PATJ: variants seen among roughly 807,000 people sequenced by gnomAD.
PATJ encodes inaD-like protein.
In PATJ, 190 loss-of-function variants were observed where a neutral mutation model predicts 224.9. The observed-to-expected ratio is 0.84, with a 90% CI of 0.75 to 0.95. The LOEUF is 0.95. PATJ is among the 40% of genes least tolerant of loss of function. PATJ has a pLI of 0.00. For missense variants in PATJ, 2,121 were observed against 2,270.3 expected, an observed-to-expected ratio of 0.93 and a Z score of 1.34; for synonymous variants, 769 against 820.3, an observed-to-expected ratio of 0.94 and a Z score of 1.07.
intron 20 of PATJ, among the ~76,000 whole-genome samples, chr1:61,872,214 G>A (rs1366123065): frequency 6.6e-6 from 1 of 151,994 alleles, no homozygotes; most frequent in Non-Finnish European, 1.5e-5. Flanking sequence ...AGAAGTTCTT[G>A]CTTATTTTAT....
chr1:62,047,364 C>G (rs1186035409), intron 30 of PATJ, among the ~76,000 whole-genome samples: 1 of 152,216 alleles, frequency 6.6e-6, no homozygotes, highest in Non-Finnish European at 1.5e-5. Context: ...TCAAGCCATT[C>G]TCTTGCCTCA....
At position 62,161,015 on chromosome 1, in the gene PATJ, A is replaced by G. The variant is rs1669791613; in HGVS notation, c.5610A>G (p.Lys1870=). Residue 1870 remains lysine, a synonymous_variant, in exon 44 of 44, where the codon AAA becomes AAG. Transcript: ENST00000642238. Reference sequence around the variant, plus strand: ...ATGAGCAAGCAGTCGCCATTCTAAAACACCAGAGAGGGACTGTAACCTTAA... The same window carrying G: ...ATGAGCAAGCAGTCGCCATTCTAAAGCACCAGAGAGGGACTGTAACCTTAA... ...VTHEQAVAIL[K]HQRGTVTLTV... is the part of the protein sequence containing the mutation. The G allele has an allele frequency of 2.5e-6, 4 of 1,605,148 alleles. No individual in the cohort carries two copies. In the East Asian group the frequency reaches 8.9e-5, roughly 36 times the overall value.
intron 35 of PATJ, among the ~76,000 whole-genome samples, chr1:62,115,125 TGG>T (rs1303567825): frequency 6.6e-6 from 1 of 151,994 alleles, no homozygotes; most frequent in Non-Finnish European, 1.5e-5. Context: ...CTGACCAATA[TGG>T]TGAAACCCCA....
At chr1:62,144,757 T>C (rs1212102244) in intron 41 of PATJ, among the ~76,000 whole-genome samples, 1 of 108,852 alleles carries the variant, frequency 9.2e-6, no homozygotes, top group Non-Finnish European at 1.8e-5. Flanking sequence ...TGCTCTAGAA[T>C]GTTATTTGCA....
At chr1:61,807,247 A>T (rs1653774306) in intron 13 of PATJ, among the ~76,000 whole-genome samples, 1 of 152,208 alleles carries the variant, frequency 6.6e-6, no homozygotes, top group African/African-American at 2.4e-5. Context: ...GTACAATCAT[A>T]GTTCACTGCA....
At position 62,100,849 on chromosome 1, in the gene PATJ, A is replaced by G. The variant is rs181410110; in HGVS notation, c.4378-7588A>G. On this transcript the variant is annotated intron_variant, in intron 33 of 43. Coordinates refer to ENST00000642238, the MANE Select transcript of PATJ (RefSeq NM_001350145.3). The stretch of plus-strand genomic sequence containing the variant: ...ATAGAGCCCTGAACAGACATTCATG[A>G]TGCTGTGATAAGTTCAGTGGTACTA... Among the ~76,000 whole-genome samples, 426 of 152,324 alleles carry G rather than the reference A, an allele frequency of 2.8e-3. 2 individuals are homozygous for G. The highest frequency in any genetic ancestry group is 9.8e-3 in the African/African-American group (406 of 41,570).
intron 27 of PATJ, among the ~76,000 whole-genome samples, chr1:61,965,577 G>C (rs147576601): frequency 6.6e-6 from 1 of 152,144 alleles, no homozygotes; most frequent in Non-Finnish European, 1.5e-5. Context: ...TTGATCCCAC[G>C]AGGGGAAGTG....
At chr1:61,903,775 CTTT>C (rs11331898) in intron 24 of PATJ, among the ~76,000 whole-genome samples, 11 of 131,582 alleles carry the variant, frequency 8.4e-5, no homozygotes, top group Admixed American at 1.5e-4. Flanking sequence ...TGGTACTTTG[CTTT>C]TTTTTTTTTT....
intron 20 of PATJ, among the ~76,000 whole-genome samples, chr1:61,869,019 A>C (rs984728344): frequency 6.6e-6 from 1 of 152,202 alleles, no homozygotes; most frequent in African/African-American, 2.4e-5. Flanking sequence ...GGGAGGGCAG[A>C]AAAAGCTTCT....
chr1:61,743,053 G>A (rs1467632509), intron 1 of PATJ, among the ~76,000 whole-genome samples: 1 of 152,130 alleles, frequency 6.6e-6, no homozygotes, highest in Non-Finnish European at 1.5e-5. Context: ...AGGAGGGAAC[G>A]GGGTGAGGGG....
At chr1:61,962,346 G>T (rs1423751334) in intron 27 of PATJ, among the ~76,000 whole-genome samples, 2 of 152,198 alleles carry the variant, frequency 1.3e-5, no homozygotes, top group African/African-American at 4.8e-5. Context: ...TAGGCAGAAG[G>T]CATGTAATTT....
chr1:62,021,460 TATA>T (rs994179436), intron 29 of PATJ, among the ~76,000 whole-genome samples: 1 of 152,214 alleles, frequency 6.6e-6, no homozygotes, highest in Non-Finnish European at 1.5e-5. Context: ...GTGTGTGGCA[TATA>T]ATGAGTGTTC....
At position 61,860,833 on chromosome 1, in the gene PATJ, TAAAA is replaced by T. The variant is rs760245834; in HGVS notation, c.2323-705_2323-702del. On this transcript the variant is annotated intron_variant, in intron 18 of 43. Transcript: ENST00000642238. ...CACAGCGAGACTCTCTGTCTCAATT[TAAAA>T]AAAAAAAAAAAAGATGAGGATTGCA... 1.4e-4 allele frequency among the ~76,000 whole-genome samples: 19 copies of T among 133,528 alleles called. No homozygotes were observed. The South Asian group carries it at 1.9e-3, about 14-fold the overall frequency. The allele number at this position is 133,528 out of a possible 152,430, so 87.6% of individuals were successfully genotyped here.
chr1:61,972,845 A>G (rs543701660), intron 27 of PATJ, among the ~76,000 whole-genome samples: 5 of 148,582 alleles, frequency 3.4e-5, no homozygotes, highest in Non-Finnish European at 6.0e-5. Context: ...AATTTGCAAA[A>G]TAGATCTTTT....
intron 17 of PATJ, among the ~76,000 whole-genome samples, chr1:61,852,119 T>TAAAAA (rs3030913): frequency 5.5e-5 from 6 of 108,922 alleles, no homozygotes; most frequent in South Asian, 3.2e-4. Flanking sequence ...GATTCTGTCT[T>TAAAAA]AAAAAAAAAA....
At chr1:61,854,294 T>G (rs943685712) in intron 17 of PATJ, among the ~76,000 whole-genome samples, 4 of 152,172 alleles carry the variant, frequency 2.6e-5, no homozygotes, top group African/African-American at 9.7e-5. Context: ...ATATGTTGCC[T>G]TGTGGAACAG....
intron 24 of PATJ, among the ~76,000 whole-genome samples, chr1:61,903,686 T>C (rs1228148804): frequency 1.3e-5 from 2 of 152,178 alleles, no homozygotes; most frequent in African/African-American, 4.8e-5. Flanking sequence ...TTCTTCTGTA[T>C]TCCTATTAGT....
At chr1:62,033,890 A>T (rs1181044399) in intron 29 of PATJ, among the ~76,000 whole-genome samples, 2 of 152,148 alleles carry the variant, frequency 1.3e-5, no homozygotes, top group Non-Finnish European at 2.9e-5. Context: ...AAGTAATAAG[A>T]TCTCATCCTT....
intron 17 of PATJ, among the ~76,000 whole-genome samples, chr1:61,840,072 A>G (rs1401285892): frequency 6.6e-6 from 1 of 152,064 alleles, no homozygotes; most frequent in Non-Finnish European, 1.5e-5. Flanking sequence ...AATGGGTTAT[A>G]AAACCAAAAT....
Sources: allele counts gnomAD v4.1 joint callset (sites outside exome capture counted in the v4.1 genomes callset), GRCh38; gene constraint gnomAD v4.1.1; transcripts MANE v1.5; gene names NCBI Gene and HGNC (gene_info 2026-07-23, HGNC 2026-07-21).